Variants in STARD13 observed in about 807,000 individuals in gnomAD.
STARD13 encodes StAR related lipid transfer domain containing 13.
A neutral mutation model predicts 106.4 loss-of-function variants in STARD13; 62 were observed. That is an observed-to-expected ratio of 0.58 (90% CI 0.48 to 0.72). STARD13 has a LOEUF of 0.72. Ranked by LOEUF, STARD13 falls within the 30% of genes least tolerant of loss-of-function variation. The pLI is 0.00. For synonymous variants in STARD13, 565 were observed against 553.0 expected, an observed-to-expected ratio of 1.02 and a Z score of -0.31; for missense variants, 1,387 against 1,424.0, an observed-to-expected ratio of 0.97 and a Z score of 0.42.
chr13:33,431,703 C>T, the STARD13 span, among the ~76,000 whole-genome samples: 1 of 152,088 alleles, frequency 6.6e-6, no homozygotes, highest in Non-Finnish European at 1.5e-5. Context: ...ATCTATTAAC[C>T]TCAGTTTCTG....
chr13:33,496,944 G>A, the STARD13 span, among the ~76,000 whole-genome samples: 4 of 151,992 alleles, frequency 2.6e-5, no homozygotes, highest in Admixed American at 6.6e-5. Context: ...TACAAGTACC[G>A]TTTTTCTCAA....
intron 12 of STARD13, among the ~76,000 whole-genome samples, chr13:33,107,190 C>A (rs985569653): frequency 6.6e-6 from 1 of 152,196 alleles, no homozygotes; most frequent in African/African-American, 2.4e-5. Context: ...TCTGGAATCC[C>A]CAGCTCTGCT....
chr13:33,605,414 G>C, the STARD13 span, among the ~76,000 whole-genome samples: 1 of 150,894 alleles, frequency 6.6e-6, no homozygotes, highest in East Asian at 1.9e-4. Flanking sequence ...ATTTCTTCTT[G>C]AGTCAGTTTT....
intron 1 of STARD13, among the ~76,000 whole-genome samples, chr13:33,168,096 A>T (rs1779776903): frequency 6.6e-6 from 1 of 152,002 alleles, no homozygotes; most frequent in South Asian, 2.1e-4. Context: ...CTACAACTAG[A>T]TTGCCTATGA....
At chr13:33,561,289 T>A in the STARD13 span, among the ~76,000 whole-genome samples, 40 of 151,506 alleles carry the variant, frequency 2.6e-4, no homozygotes, top group African/African-American at 9.5e-4. Flanking sequence ...GGCTTAAAAT[T>A]TTTGCAAAAA....
At chr13:33,540,735 A>G in the STARD13 span, among the ~76,000 whole-genome samples, 1 of 152,236 alleles carries the variant, frequency 6.6e-6, no homozygotes, top group African/African-American at 2.4e-5. Flanking sequence ...TTTTTTCAAT[A>G]AAGTGTGAGG....
At chr13:33,139,117 C>G (rs1186824772) in intron 4 of STARD13, among the ~76,000 whole-genome samples, 1 of 152,186 alleles carries the variant, frequency 6.6e-6, no homozygotes, top group Non-Finnish European at 1.5e-5. Context: ...ATGGCAAGAA[C>G]CATGCCTCTT....
intron 1 of STARD13, among the ~76,000 whole-genome samples, chr13:33,331,862 G>T (rs1447237336): frequency 6.6e-6 from 1 of 151,396 alleles, no homozygotes; most frequent in Non-Finnish European, 1.5e-5. Context: ...AAGGGCCAGA[G>T]GTTATTTGCT....
chr13:33,254,717 G>A (rs1438058105), intron 1 of STARD13, among the ~76,000 whole-genome samples: 1 of 152,198 alleles, frequency 6.6e-6, no homozygotes, highest in Non-Finnish European at 1.5e-5. Context: ...AGAGAGAAGA[G>A]GAGGGATGTC....
the STARD13 span, among the ~76,000 whole-genome samples, chr13:33,647,937 T>C: frequency 6.6e-6 from 1 of 152,180 alleles, no homozygotes. Context: ...AGTGAATGAA[T>C]ATACTCATTT....
intron 1 of STARD13, among the ~76,000 whole-genome samples, chr13:33,256,866 A>C (rs1030115221): frequency 6.6e-6 from 1 of 152,230 alleles, no homozygotes; most frequent in Non-Finnish European, 1.5e-5. Flanking sequence ...TAAATAGACA[A>C]GTTTCTGTAT....
the STARD13 span, among the ~76,000 whole-genome samples, chr13:33,664,712 C>T: frequency 1.9e-3 from 293 of 152,298 alleles, 2 homozygotes; most frequent in African/African-American, 6.6e-3. Flanking sequence ...CTGCAACCTC[C>T]GCCTCCCAGG....
At chr13:33,483,292 T>C in the STARD13 span, among the ~76,000 whole-genome samples, 1 of 152,204 alleles carries the variant, frequency 6.6e-6, no homozygotes, top group Admixed American at 6.5e-5. Context: ...CAATTAAAAT[T>C]AGAACATAAC....
chr13:33,418,693 C>T, the STARD13 span, among the ~76,000 whole-genome samples: 23,775 of 152,180 alleles, frequency 0.16, 4,444 homozygotes, highest in African/African-American at 0.44. Context: ...CAGTAGGGGC[C>T]AACAGACACC....
chr13:33,588,005 AAT>A, the STARD13 span, among the ~76,000 whole-genome samples: 2 of 152,222 alleles, frequency 1.3e-5, no homozygotes, highest in Non-Finnish European at 2.9e-5. Flanking sequence ...TAAATTGACA[AAT>A]ATGTTTCATA....
At chr13:33,495,260 G>T in the STARD13 span, among the ~76,000 whole-genome samples, 1 of 152,266 alleles carries the variant, frequency 6.6e-6, no homozygotes, top group East Asian at 1.9e-4. Context: ...ATCACATTAG[G>T]TTTTCTTAGA....
At chr13:33,438,869 G>C in the STARD13 span, among the ~76,000 whole-genome samples, 2 of 152,184 alleles carry the variant, frequency 1.3e-5, no homozygotes. Flanking sequence ...ATGCAGATAA[G>C]GGTAGCATCA....
the STARD13 span, among the ~76,000 whole-genome samples, chr13:33,601,464 G>A: frequency 6.6e-6 from 1 of 152,132 alleles, no homozygotes; most frequent in East Asian, 1.9e-4. Context: ...TTGGGGATAG[G>A]AAAGGGTGGG....
chr13:33,110,633 G>T, intron 11 of STARD13, 53 bp downstream of exon 11: 1 of 1,489,896 alleles, frequency 6.7e-7, no homozygotes, highest in Non-Finnish European at 9.4e-7. Flanking sequence ...ACAAATGTCT[G>T]ATTGTTAGCT....
Sources: gnomAD v4.1 joint callset for allele counts (sites outside exome capture counted in the v4.1 genomes callset) on GRCh38, gnomAD v4.1.1 for gene constraint, MANE v1.5 for transcripts, NCBI Gene and HGNC (gene_info 2026-07-23, HGNC 2026-07-21) for gene names.